Variants in ZFHX3 observed in about 807,000 individuals in gnomAD.
ZFHX3 encodes the protein zinc finger homeobox protein 3.
Under a neutral mutation model 279.1 loss-of-function variants are expected in ZFHX3, and 42 were observed. That is an observed-to-expected ratio of 0.15 (90% confidence interval 0.12 to 0.19). The LOEUF (loss-of-function observed/expected upper bound fraction) is 0.19. ZFHX3 is among the 10% of genes least tolerant of loss of function. The pLI, the probability that ZFHX3 is intolerant of heterozygous loss-of-function variation, is 1.00. For missense variants in ZFHX3, 4,981 were observed against 4,754.0 expected (o/e 1.05, Z -1.40); for synonymous variants, 2,293 against 1,957.8 (o/e 1.17, Z -4.52).
chr16:73,719,717 T>G (rs962149134), intron 1 of ZFHX3, among the ~76,000 whole-genome samples: 2 of 151,366 alleles, frequency 1.3e-5, no homozygotes, highest in Non-Finnish European at 2.9e-5. Context: ...CACTGCAACC[T>G]CCGCCTCCGG....
chr16:73,367,411 CAT>C (rs1201029856), intron 3 of ZFHX3, among the ~76,000 whole-genome samples: 1 of 152,188 alleles, frequency 6.6e-6, no homozygotes, highest in African/African-American at 2.4e-5. Flanking sequence ...TAGAAAAACA[CAT>C]GTTTCACGGC....
chr16:72,901,786 A>C (rs2039043436), intron 3 of ZFHX3, among the ~76,000 whole-genome samples: 1 of 152,210 alleles, frequency 6.6e-6, no homozygotes, highest in African/African-American at 2.4e-5. Flanking sequence ...TGCAGAACGG[A>C]CGGCCACGTG....
At chr16:73,673,686 G>T (rs890761939) in intron 2 of ZFHX3, among the ~76,000 whole-genome samples, 4 of 152,318 alleles carry the variant, frequency 2.6e-5, no homozygotes, top group African/African-American at 9.6e-5. Context: ...AGAGGGTATG[G>T]CATTTGCCTG....
chr16:73,636,435 TG>T (rs2052527785), intron 2 of ZFHX3, among the ~76,000 whole-genome samples: 1 of 151,930 alleles, frequency 6.6e-6, no homozygotes, highest in Non-Finnish European at 1.5e-5. Context: ...ATAACTAGGA[TG>T]TAATGTATAT....
chr16:73,520,687 G>A (rs1030545392), intron 2 of ZFHX3, among the ~76,000 whole-genome samples: 3 of 152,182 alleles, frequency 2.0e-5, no homozygotes, highest in African/African-American at 7.2e-5. Flanking sequence ...AATGTTAATT[G>A]AATGAATAAA....
At chr16:73,838,078 A>G (rs1379307299) in intron 1 of ZFHX3, among the ~76,000 whole-genome samples, 2 of 152,232 alleles carry the variant, frequency 1.3e-5, no homozygotes, top group Admixed American at 1.3e-4. Context: ...CTCCATTTCA[A>G]CATGACCACT....
chr16:72,858,731 T>C (rs2037812905), intron 4 of ZFHX3, among the ~76,000 whole-genome samples: 1 of 152,206 alleles, frequency 6.6e-6, no homozygotes, highest in South Asian at 2.1e-4. Flanking sequence ...TCGTTTTCAA[T>C]TTGTGCAGAG....
intron 1 of ZFHX3, among the ~76,000 whole-genome samples, chr16:72,974,602 C>G (rs1488109701): frequency 2.0e-5 from 3 of 149,658 alleles, no homozygotes; most frequent in Non-Finnish European, 4.5e-5. Context: ...CACACACACA[C>G]AGCCTCTCAC....
At chr16:72,888,355 A>T (rs1005926653) in intron 4 of ZFHX3, among the ~76,000 whole-genome samples, 1 of 152,208 alleles carries the variant, frequency 6.6e-6, no homozygotes, top group Non-Finnish European at 1.5e-5. Flanking sequence ...GCCATTAAGA[A>T]GAAAAAGAAG....
intron 2 of ZFHX3, among the ~76,000 whole-genome samples, chr16:73,584,886 T>G (rs559718344): frequency 1.4e-4 from 21 of 152,084 alleles, no homozygotes; most frequent in East Asian, 7.7e-4. Context: ...TTAAGCAAAT[T>G]TACTAGAAAA....
At chr16:73,279,751 T>G (rs2014409237) in intron 4 of ZFHX3, among the ~76,000 whole-genome samples, 1 of 152,114 alleles carries the variant, frequency 6.6e-6, no homozygotes, top group South Asian at 2.1e-4. Context: ...TTGAAGGACG[T>G]TGCACAGAAT....
At chr16:73,027,128 C>T (rs920692874) in intron 1 of ZFHX3, among the ~76,000 whole-genome samples, 3 of 152,358 alleles carry the variant, frequency 2.0e-5, no homozygotes, top group East Asian at 1.9e-4. Flanking sequence ...GTCCCATAAT[C>T]GTATTCATCT....
In ZFHX3 at chr16:72,887,880, C is replaced by T. The variant is rs147352762; in HGVS notation, c.3448+1851G>A. 2.4e-3 allele frequency among the ~76,000 whole-genome samples: 357 copies of T among 151,830 alleles called. 7 individuals are homozygous for T. Among genetic ancestry groups the T allele is most frequent in the Admixed American group, 0.021 (327 of 15,238 alleles). On this transcript the variant is annotated intron_variant, in intron 4 of 9. Coordinates refer to ENST00000268489, the MANE Select transcript of ZFHX3 (RefSeq NM_006885.4). Reference sequence around the variant, plus strand: ...TGCAGAGAAAGTGTATGTGTGTGCGCGCACGTGCGAGAACGTGTATGAGGT... The same window carrying T: ...TGCAGAGAAAGTGTATGTGTGTGCGTGCACGTGCGAGAACGTGTATGAGGT...
At chr16:73,645,140 A>C (rs1375946708) in intron 2 of ZFHX3, among the ~76,000 whole-genome samples, 2 of 152,284 alleles carry the variant, frequency 1.3e-5, no homozygotes, top group African/African-American at 4.8e-5. Flanking sequence ...AAAGCTGGTG[A>C]ACAGAAAGGC....
In ZFHX3 at chr16:73,581,659, C is replaced by CTTTTTTT. The variant is rs11286052; in HGVS notation, c.-1547+98514_-1547+98520dup. On this transcript the variant is annotated intron_variant, in intron 2 of 17. Coordinates refer to the ZFHX3 transcript ENST00000641206. ...GTCAAGCATAAAACTTCGAATGTCT[C>CTTTTTTT]TTTTTTTTTTTTTTTTTTTTTTTTT... is the stretch of plus-strand genomic sequence containing the variant. 3.0e-4 allele frequency among the ~76,000 whole-genome samples: 22 copies of CTTTTTTT among 73,426 alleles called. 2 individuals are homozygous for CTTTTTTT. The highest frequency in any genetic ancestry group is 6.6e-4 in the East Asian group (2 of 3,030). The allele number at this position is 73,426 out of a possible 152,430, so 48.2% of individuals were successfully genotyped here.
chr16:73,618,191 T>G (rs1206200560), intron 2 of ZFHX3, among the ~76,000 whole-genome samples: 2 of 152,166 alleles, frequency 1.3e-5, no homozygotes, highest in Non-Finnish European at 2.9e-5. Flanking sequence ...GTTCCTCATA[T>G]TTGAGTTATC....
chr16:72,824,230 CATGCCTG>C (rs2036876431), intron 5 of ZFHX3, among the ~76,000 whole-genome samples: 1 of 152,164 alleles, frequency 6.6e-6, no homozygotes, highest in Admixed American at 6.5e-5. Context: ...CGATTGGAAT[CATGCCTG>C]CCAGCACCAT....
At chr16:73,729,244 G>A (rs977175419) in intron 1 of ZFHX3, among the ~76,000 whole-genome samples, 11 of 152,134 alleles carry the variant, frequency 7.2e-5, no homozygotes, top group African/African-American at 1.7e-4. Context: ...CACCTGGGCC[G>A]GCAATGGCGT....
chr16:73,599,740 A>AAC (rs1212015969), intron 2 of ZFHX3, among the ~76,000 whole-genome samples: 1 of 151,184 alleles, frequency 6.6e-6, no homozygotes, highest in Non-Finnish European at 1.5e-5. Flanking sequence ...ATTAAAAAAA[A>AAC]AAAAAACAAC....
Sources: allele counts gnomAD v4.1 joint callset (sites outside exome capture counted in the v4.1 genomes callset), GRCh38; gene constraint gnomAD v4.1.1; transcripts MANE v1.5; gene names NCBI Gene and HGNC (gene_info 2026-07-23, HGNC 2026-07-21).